Variants in COL3A1 observed in about 807,000 individuals in gnomAD.
The protein encoded by COL3A1 is collagen alpha-1(III) chain.
In COL3A1, 46 loss-of-function variants were observed where a neutral mutation model predicts 200.9. The ratio of observed to expected loss-of-function variants is 0.23; its 90% CI spans 0.18 to 0.29. COL3A1 has a LOEUF of 0.29. Among genes scored for constraint, COL3A1 ranks in the 10% least tolerant of loss-of-function variants. The pLI is 1.00. For missense variants in COL3A1, 1,367 were observed against 1,917.6 expected, an observed-to-expected ratio of 0.71 and a Z score of 5.36; for synonymous variants, 650 against 628.0, an observed-to-expected ratio of 1.03 and a Z score of -0.52.
chr2:188,985,149 T>C (rs1688038105), intron 2 of COL3A1, 48 bp from the exon 3 acceptor site: 2 of 1,565,676 alleles, frequency 1.3e-6, no homozygotes, highest in Non-Finnish European at 1.8e-6. Context: ...TACTAAATAA[T>C]ATGCAAATTC....
intron 34 of COL3A1, 88 bp downstream of exon 34, chr2:189,001,677 A>C (rs1357191906): frequency 2.5e-5 from 34 of 1,345,338 alleles, no homozygotes; most frequent in Non-Finnish European, 3.5e-5. Flanking sequence ...TTTTGCCCTC[A>C]GTTCCCTGAG....
At chr2:188,996,535 T>C in intron 24 of COL3A1, 39 bp downstream of exon 24, 5 of 1,534,010 alleles carry the variant, frequency 3.3e-6, no homozygotes, top group Non-Finnish European at 3.6e-6. Context: ...AATATTTGAC[T>C]GGAAGGCTTT....
chr2:188,991,974 C>T (rs563810302), intron 13 of COL3A1, among the ~76,000 whole-genome samples: 1 of 152,212 alleles, frequency 6.6e-6, no homozygotes, highest in South Asian at 2.1e-4. Flanking sequence ...GCATTCAGTC[C>T]TGAAAACACA....
At chr2:188,977,014 C>T (rs752847101) in intron 1 of COL3A1, among the ~76,000 whole-genome samples, 12 of 151,988 alleles carry the variant, frequency 7.9e-5, no homozygotes, top group African/African-American at 1.4e-4. Flanking sequence ...TAGTATGTTA[C>T]GGATAAATAT....
At chr2:189,003,611 G>A (rs1202388442) in intron 37 of COL3A1, 123 bp from the exon 38 acceptor site, 2 of 1,355,922 alleles carry the variant, frequency 1.5e-6, no homozygotes, top group Non-Finnish European at 2.1e-6. Context: ...AATTCCAAGG[G>A]GAAACACAAA....
At position 188,994,012 on chromosome 2, in the gene COL3A1, A is replaced by G; in HGVS notation, c.1150-26A>G. 1 of 1,606,670 alleles carries G rather than the reference A, an allele frequency of 6.2e-7. No homozygotes were observed. The highest frequency in any genetic ancestry group is 8.5e-7 in the Non-Finnish European group (1 of 1,173,426). ...ACGAACTATTTGCATTACTATTAAT[A>G]CATTATCTGTTTTTTGTATACTTAG... On this transcript the variant is annotated intron_variant, in intron 16 of 50. Coordinates refer to ENST00000304636, the MANE Select transcript of COL3A1 (RefSeq NM_000090.4). This position sits in a 1 kb window ranked among gnomAD's most constrained non-coding sequence, Gnocchi z 4.5.
chr2:189,001,706 A>T (rs1688468138), intron 34 of COL3A1, 117 bp downstream of exon 34: 2 of 1,037,930 alleles, frequency 1.9e-6, no homozygotes, highest in Admixed American at 3.6e-5. Context: ...TGGAGATATT[A>T]TCTTCAAAAA....
rs1237604057 is a variant in COL3A1 at position 188,999,866 on chromosome 2, G to A, written c.2254G>A (p.Asp752Asn). 2 of 1,595,272 alleles carry A rather than the reference G, an allele frequency of 1.3e-6. No homozygotes were observed. Among genetic ancestry groups the A allele is most frequent in the Admixed American group, 3.6e-5 (2 of 55,856 alleles). Residue 752 changes from aspartate to asparagine, a missense_variant, in exon 32 of 51, where the codon GAT becomes AAT. This residue lies in a region of COL3A1 where 846 missense variants were observed against 1,147.9 expected (regional missense o/e 0.74). Transcript: ENST00000304636. ...DKGEPGGPGA[D>N]GVPGKDGPRG... ...GGGTGAACCAGGCGGTCCAGGTGCT[G>A]ATGGTGTCCCAGGGAAAGATGGCCC...
chr2:189,005,337 C>T lies in COL3A1; in HGVS notation c.2932-13C>T. The T allele has an allele frequency of 6.2e-7, 1 of 1,605,790 alleles. No homozygotes were observed. Among genetic ancestry groups the T allele is most frequent in the South Asian group, 1.1e-5 (1 of 90,874 alleles). ...AAGTTGAAACAAAATGTTTTTCATT[C>T]CTTTGTATACAGGGTGAAAGTGGGA... On this transcript the variant is annotated splice_polypyrimidine_tract_variant and intron_variant, in intron 40 of 50. Transcript: ENST00000304636.
chr2:188,986,219 G>C (rs1376827352), intron 4 of COL3A1, among the ~76,000 whole-genome samples: 3 of 151,960 alleles, frequency 2.0e-5, no homozygotes, highest in African/African-American at 7.2e-5. Context: ...GATTATTTCT[G>C]CCTATGAAAC....
chr2:189,005,905 T>C (rs1048462713), intron 41 of COL3A1, among the ~76,000 whole-genome samples: 3 of 152,332 alleles, frequency 2.0e-5, no homozygotes, highest in South Asian at 2.1e-4. Context: ...CTAATTAAAC[T>C]GTAGATTTCC....
At chr2:188,979,734 T>G (rs1292055235) in intron 1 of COL3A1, among the ~76,000 whole-genome samples, 4 of 151,774 alleles carry the variant, frequency 2.6e-5, no homozygotes. Flanking sequence ...TAAAAAATCA[T>G]ATGGGACAGA....
At chr2:188,991,125 C>G in intron 11 of COL3A1, 68 bp downstream of exon 11, 4 of 1,497,228 alleles carry the variant, frequency 2.7e-6, no homozygotes, top group African/African-American at 2.8e-5. Flanking sequence ...ATATAAGATT[C>G]ATATTGTGAG....
intron 9 of COL3A1, 71 bp from the exon 10 acceptor site, chr2:188,990,236 G>A: frequency 1.3e-6 from 2 of 1,571,400 alleles, no homozygotes; most frequent in Non-Finnish European, 8.7e-7. Flanking sequence ...CTTAAAAACA[G>A]AAAGTGTTTT....
intron 1 of COL3A1, chr2:188,978,142 T>A: frequency 3.9e-6 from 1 of 257,482 alleles, no homozygotes; most frequent in Non-Finnish European, 8.5e-6. Flanking sequence ...CTTTAAGTGA[T>A]CTAAAGGCCT....
chr2:188,996,052 A>C lies in COL3A1; in HGVS notation c.1609-73A>C. 4 of 1,413,546 alleles carry C rather than the reference A, an allele frequency of 2.8e-6. No homozygotes were observed. The Admixed American group carries it at 5.1e-5, about 18-fold the overall frequency. The allele number at this position is 1,413,546 out of a possible 1,614,324, so 87.6% of individuals were successfully genotyped here. A position where few individuals can be genotyped will look rare whatever the true frequency, so the allele number is the denominator to read the frequency against. ...ACATGTAAGTGAAAATATCAAAATC[A>C]TACAAATAGTGTATGTAGTAATTTT... On this transcript the variant is annotated intron_variant, in intron 22 of 50. Coordinates refer to ENST00000304636, the MANE Select transcript of COL3A1 (RefSeq NM_000090.4).
In COL3A1 at chr2:188,997,332, T is replaced by C. The variant is rs765128089; in HGVS notation, c.1816-4T>C. The C allele has an allele frequency of 7.4e-6, 12 of 1,613,864 alleles. No homozygotes were observed. The highest frequency in any genetic ancestry group is 6.7e-5 in the African/African-American group (5 of 74,884). ...TCTACTTCCCTAACTGTTCTTGTTT[T>C]TAGGGTCCTCCTGGAAAGAATGGTG... On this transcript the variant is annotated splice_polypyrimidine_tract_variant and splice_region_variant and intron_variant, in intron 25 of 50. Transcript: ENST00000304636.
chr2:189,011,106 G>C (rs977847792), intron 50 of COL3A1, among the ~76,000 whole-genome samples: 1 of 152,258 alleles, frequency 6.6e-6, no homozygotes, highest in East Asian at 1.9e-4. Flanking sequence ...TGAAATAAAA[G>C]CATTTAAAAT....
chr2:188,974,532 C>T lies in COL3A1; in HGVS notation c.43C>T (p.Leu15=). The T allele has an allele frequency of 6.2e-7, 1 of 1,614,082 alleles. No homozygotes were observed. The highest frequency in any genetic ancestry group is 1.1e-5 in the South Asian group (1 of 91,086). Residue 15 remains leucine, a synonymous_variant, in exon 1 of 51, where the codon CTG becomes TTG. Transcript: ENST00000304636. ...AAAGGGGAGCTGGCTACTTCTCGCT[C>T]TGCTTCATCCCACTATTATTTTGGC... The part of the protein sequence containing the change: ...VQKGSWLLLA[L]LHPTIILAQQ...
Sources: allele counts gnomAD v4.1 joint callset (sites outside exome capture counted in the v4.1 genomes callset), GRCh38; gene constraint gnomAD v4.1.1; regional missense constraint gnomAD v4.1.1; non-coding constraint Gnocchi (gnomAD v3.1); transcripts MANE v1.5; gene names NCBI Gene and HGNC (gene_info 2026-07-23, HGNC 2026-07-21).